Variants in ADGRL2 observed in about 807,000 individuals in gnomAD.
ADGRL2 encodes the protein adhesion G protein-coupled receptor L2.
ADGRL2 carries 44 observed loss-of-function variants against 157.4 expected under a neutral mutation model. That is an observed-to-expected ratio of 0.28 (90% CI 0.22 to 0.36). The LOEUF is 0.36. ADGRL2 is among the 10% of genes least tolerant of loss of function. ADGRL2 has a pLI of 1.00. For missense variants in ADGRL2, 1,510 were observed against 1,768.9 expected (o/e 0.85, Z 2.63); for synonymous variants, 585 against 624.7 (o/e 0.94, Z 0.95).
chr1:81,971,046 G>A (rs1399544438), intron 16 of ADGRL2, among the ~76,000 whole-genome samples: 1 of 152,078 alleles, frequency 6.6e-6, no homozygotes, highest in African/African-American at 2.4e-5. Flanking sequence ...TAAAAGTATA[G>A]ATATTTACAG....
intron 3 of ADGRL2, among the ~76,000 whole-genome samples, chr1:81,635,342 C>A (rs866188518): frequency 6.6e-6 from 1 of 152,212 alleles, no homozygotes; most frequent in South Asian, 2.1e-4. Context: ...GCATGCCCAG[C>A]CTCTTCTCAG....
At chr1:81,936,654 A>T in intron 3 of ADGRL2, 74 bp from the exon 4 acceptor site, 1 of 825,264 alleles carries the variant, frequency 1.2e-6, no homozygotes, top group Non-Finnish European at 1.9e-6. Context: ...AATGAGAAAA[A>T]CTTCTATGTT....
At chr1:81,533,118 C>G (rs566945166) in intron 2 of ADGRL2, among the ~76,000 whole-genome samples, 1 of 151,946 alleles carries the variant, frequency 6.6e-6, no homozygotes, top group Non-Finnish European at 1.5e-5. Flanking sequence ...GTGGCTCACA[C>G]CTGTAATCCC....
In ADGRL2 at chr1:81,322,829, T is replaced by C. The variant is rs563275376; in HGVS notation, c.-302+16320T>C. Among the ~76,000 whole-genome samples, 8 of 152,180 alleles carry C rather than the reference T, an allele frequency of 5.3e-5. No homozygotes were observed. In the East Asian group the frequency reaches 1.6e-3, roughly 29 times the overall value. On this transcript the variant is annotated intron_variant, in intron 1 of 24. Transcript: ENST00000370721. ...GGGGAGATACCATAAACAATGGATATGGATCACTATGGATATCTTTCTTTT... is the reference window on the plus strand; with the variant it reads ...GGGGAGATACCATAAACAATGGATACGGATCACTATGGATATCTTTCTTTT...
chr1:81,885,124 A>G (rs1450582018), intron 2 of ADGRL2, among the ~76,000 whole-genome samples: 2 of 152,224 alleles, frequency 1.3e-5, no homozygotes, highest in Non-Finnish European at 2.9e-5. Context: ...AAAAACGACC[A>G]ATACGAATAA....
At chr1:81,721,430 C>T (rs1231696405) in intron 1 of ADGRL2, among the ~76,000 whole-genome samples, 1 of 152,042 alleles carries the variant, frequency 6.6e-6, no homozygotes, top group African/African-American at 2.4e-5. Context: ...ATCTTGAACA[C>T]CAAAGAAATT....
intron 1 of ADGRL2, among the ~76,000 whole-genome samples, chr1:81,319,916 G>C (rs1180528231): frequency 6.6e-6 from 1 of 152,152 alleles, no homozygotes; most frequent in Non-Finnish European, 1.5e-5. Flanking sequence ...CAACAATGAA[G>C]TTTGTTGCAT....
chr1:81,493,720 G>C (rs1171950839), intron 2 of ADGRL2, among the ~76,000 whole-genome samples: 4 of 152,096 alleles, frequency 2.6e-5, no homozygotes, highest in Non-Finnish European at 5.9e-5. Flanking sequence ...AATCAGTAAT[G>C]GTTGCCAGAA....
At chr1:81,659,670 C>T (rs1048657255) in intron 3 of ADGRL2, among the ~76,000 whole-genome samples, 15 of 152,196 alleles carry the variant, frequency 9.9e-5, no homozygotes, top group Admixed American at 1.3e-4. Context: ...AGTATCATTT[C>T]ATGATTGGTT....
At chr1:81,387,150 G>A (rs955458729) in intron 1 of ADGRL2, among the ~76,000 whole-genome samples, 1 of 152,142 alleles carries the variant, frequency 6.6e-6, no homozygotes, top group African/African-American at 2.4e-5. Context: ...AGACGGTAGT[G>A]TTGGCAAAGC....
chr1:81,527,805 C>T (rs1272839658), intron 2 of ADGRL2, among the ~76,000 whole-genome samples: 2 of 152,100 alleles, frequency 1.3e-5, no homozygotes, highest in Admixed American at 1.3e-4. Flanking sequence ...AGGTGGCTCA[C>T]GCCTGTAATC....
intron 2 of ADGRL2, among the ~76,000 whole-genome samples, chr1:81,510,516 TTA>T (rs1277859176): frequency 6.6e-6 from 1 of 152,186 alleles, no homozygotes; most frequent in Non-Finnish European, 1.5e-5. Context: ...TCATTTTCCC[TTA>T]AAATGAGCCA....
intron 2 of ADGRL2, among the ~76,000 whole-genome samples, chr1:81,483,964 G>T (rs979160927): frequency 7.9e-5 from 12 of 151,900 alleles, no homozygotes; most frequent in African/African-American, 2.9e-4. Context: ...CAACTTTGTG[G>T]CTATGTTTGA....
At chr1:81,479,607 T>C (rs1448778985) in intron 2 of ADGRL2, among the ~76,000 whole-genome samples, 1 of 152,188 alleles carries the variant, frequency 6.6e-6, no homozygotes, top group Admixed American at 6.5e-5. Context: ...TATAGTATTC[T>C]CAGCAACCTT....
chr1:81,372,455 C>T (rs746976108), intron 1 of ADGRL2, among the ~76,000 whole-genome samples: 4 of 152,206 alleles, frequency 2.6e-5, no homozygotes, highest in African/African-American at 4.8e-5. Flanking sequence ...TTTGTACCCT[C>T]ATGCCCCCAT....
intron 1 of ADGRL2, among the ~76,000 whole-genome samples, chr1:81,315,791 A>G (rs1660067129): frequency 6.6e-6 from 1 of 152,056 alleles, no homozygotes; most frequent in South Asian, 2.1e-4. Context: ...GATTTGTTGA[A>G]CTTTTTAAAA....
At chr1:81,786,882 G>A (rs1240834577) in intron 2 of ADGRL2, among the ~76,000 whole-genome samples, 1 of 152,142 alleles carries the variant, frequency 6.6e-6, no homozygotes, top group African/African-American at 2.4e-5. Context: ...TCTGTGATAT[G>A]GTTTGGCTCT....
At chr1:81,388,662 T>G (rs1427490415) in intron 1 of ADGRL2, among the ~76,000 whole-genome samples, 1 of 152,146 alleles carries the variant, frequency 6.6e-6, no homozygotes, top group Non-Finnish European at 1.5e-5. Flanking sequence ...AGGGCACAGA[T>G]AGGAGTAAAC....
At chr1:81,469,103 T>C (rs190919100) in intron 2 of ADGRL2, among the ~76,000 whole-genome samples, 8 of 152,330 alleles carry the variant, frequency 5.3e-5, no homozygotes, top group Non-Finnish European at 1.0e-4. Context: ...TCTCACACTT[T>C]CCTGCAATTG....
Sources: gnomAD v4.1 joint callset for allele counts (sites outside exome capture counted in the v4.1 genomes callset) on GRCh38, gnomAD v4.1.1 for gene constraint, MANE v1.5 for transcripts, NCBI Gene and HGNC (gene_info 2026-07-23, HGNC 2026-07-21) for gene names.